GRIN2B: variants seen among roughly 807,000 people sequenced by gnomAD.
GRIN2B encodes the protein glutamate ionotropic receptor NMDA type subunit 2B, also known as glutamate receptor ionotropic, NMDA 2B.
Under a neutral mutation model 114.5 loss-of-function variants are expected in GRIN2B, and 5 were observed. That is an observed-to-expected ratio of 0.04 (90% CI 0.02 to 0.09). GRIN2B has a LOEUF of 0.09. GRIN2B is among the 10% of genes least tolerant of loss of function. The pLI is 1.00. For synonymous variants in GRIN2B, 787 were observed against 745.1 expected, an observed-to-expected ratio of 1.06 and a Z score of -0.92; for missense variants, 1,108 against 1,943.5, an observed-to-expected ratio of 0.57 and a Z score of 8.08.
intron 3 of GRIN2B, among the ~76,000 whole-genome samples, chr12:13,779,548 A>C (rs1357595098): frequency 2.0e-5 from 3 of 152,236 alleles, no homozygotes; most frequent in Non-Finnish European, 1.5e-5. Flanking sequence ...AATACATTTC[A>C]CTTAATATAT....
intron 5 of GRIN2B, among the ~76,000 whole-genome samples, chr12:13,668,923 A>G (rs1949999945): frequency 6.7e-6 from 1 of 148,804 alleles, no homozygotes; most frequent in South Asian, 2.2e-4. Flanking sequence ...AGGAAAAGGA[A>G]AGAGAAAGAA....
intron 10 of GRIN2B, among the ~76,000 whole-genome samples, chr12:13,599,086 C>G (rs1026341408): frequency 6.6e-6 from 1 of 152,302 alleles, no homozygotes; most frequent in African/African-American, 2.4e-5. Context: ...TCGATCAAAG[C>G]CATCACCTGA....
rs182836140 is a variant in GRIN2B at position 13,615,446 on chromosome 12, G to A, written c.1500+47C>T. ...GTTTTAAACTTATATTTAGAAGAAG[G>A]AAAATAAATGAAAATGGAAATGGAA... On this transcript the variant is annotated intron_variant, in intron 7 of 13. Transcript: ENST00000609686. This position sits in a 1 kb window ranked among gnomAD's most constrained non-coding sequence, Gnocchi z 5.8. The A allele has an allele frequency of 4.4e-4, 675 of 1,534,604 alleles. 8 individuals are homozygous for A. In the Admixed American group the frequency reaches 0.011, roughly 25 times the overall value.
intron 3 of GRIN2B, among the ~76,000 whole-genome samples, chr12:13,836,696 C>G (rs553778354): frequency 0.033 from 5,023 of 152,234 alleles, 213 homozygotes; most frequent in African/African-American, 0.094. Flanking sequence ...GGCCTGTTTG[C>G]CTGCTCTGCC....
chr12:13,569,726 T>C (rs1473235058), intron 12 of GRIN2B, 104 bp downstream of exon 12: 2 of 766,162 alleles, frequency 2.6e-6, no homozygotes, highest in Non-Finnish European at 4.3e-6. Context: ...GAAATGCTTT[T>C]CCGGAAATGC....
chr12:13,647,892 A>T (rs1445628093), intron 5 of GRIN2B, among the ~76,000 whole-genome samples: 10 of 152,056 alleles, frequency 6.6e-5, no homozygotes. Flanking sequence ...TCTCCTCAAT[A>T]CTATTGGTTT....
chr12:13,884,960 A>G (rs1426672815), intron 2 of GRIN2B, among the ~76,000 whole-genome samples: 1 of 152,178 alleles, frequency 6.6e-6, no homozygotes, highest in Non-Finnish European at 1.5e-5. Context: ...TGTAGTGGTT[A>G]TTTTGGTTAG....
intron 2 of GRIN2B, among the ~76,000 whole-genome samples, chr12:13,887,310 T>C (rs1444482123): frequency 6.6e-6 from 1 of 152,240 alleles, no homozygotes; most frequent in Non-Finnish European, 1.5e-5. Flanking sequence ...TATAAATACA[T>C]ACATTATAAA....
intron 3 of GRIN2B, among the ~76,000 whole-genome samples, chr12:13,818,221 G>A (rs1237922370): frequency 3.3e-5 from 5 of 152,084 alleles, no homozygotes; most frequent in Admixed American, 2.0e-4. Flanking sequence ...GAACTGAATC[G>A]TCCCACTCCC....
chr12:13,842,330 T>C (rs934783096), intron 3 of GRIN2B, among the ~76,000 whole-genome samples: 1 of 152,224 alleles, frequency 6.6e-6, no homozygotes, highest in African/African-American at 2.4e-5. Flanking sequence ...AGTTTTGATA[T>C]GCATTATTTT....
chr12:13,592,349 C>A (rs1275942869), intron 10 of GRIN2B, among the ~76,000 whole-genome samples: 1 of 152,136 alleles, frequency 6.6e-6, no homozygotes, highest in Non-Finnish European at 1.5e-5. Context: ...TCCAAACAGC[C>A]CCAGCAGCAT....
chr12:13,899,446 G>A (rs1307498841), intron 2 of GRIN2B, among the ~76,000 whole-genome samples: 1 of 106,370 alleles, frequency 9.4e-6, no homozygotes, highest in Non-Finnish European at 2.7e-5. Context: ...GGTACCTTAT[G>A]TAAGCCATGT....
chr12:13,900,475 CA>C (rs967592378), intron 2 of GRIN2B, among the ~76,000 whole-genome samples: 162 of 136,026 alleles, frequency 1.2e-3, no homozygotes, highest in Middle Eastern at 7.3e-3. Flanking sequence ...AACTCCATCT[CA>C]AAAAAAAAAA....
At chr12:13,975,067 A>C (rs1304504584) in intron 2 of GRIN2B, among the ~76,000 whole-genome samples, 1 of 152,198 alleles carries the variant, frequency 6.6e-6, no homozygotes, top group Non-Finnish European at 1.5e-5. Context: ...GGGTGAACTT[A>C]AATATACAGG....
At chr12:13,737,520 T>C (rs1216075663) in intron 4 of GRIN2B, among the ~76,000 whole-genome samples, 1 of 152,184 alleles carries the variant, frequency 6.6e-6, no homozygotes, top group African/African-American at 2.4e-5. Context: ...TGAAAGTTCA[T>C]ATAATATCTT....
chr12:13,684,735 G>A (rs748586446), intron 4 of GRIN2B, among the ~76,000 whole-genome samples: 55 of 152,260 alleles, frequency 3.6e-4, no homozygotes, highest in Non-Finnish European at 6.5e-4. Context: ...GAGATTAGGT[G>A]TTCAGTATGT....
At chr12:13,796,095 AAAG>A (rs1251970013) in intron 3 of GRIN2B, among the ~76,000 whole-genome samples, 1 of 151,488 alleles carries the variant, frequency 6.6e-6, no homozygotes, top group East Asian at 1.9e-4. Flanking sequence ...AAAAAAAAAA[AAAG>A]AAACAGCTTT....
At chr12:13,665,435 T>C (rs1949965074) in intron 5 of GRIN2B, among the ~76,000 whole-genome samples, 1 of 152,106 alleles carries the variant, frequency 6.6e-6, no homozygotes, top group Admixed American at 6.6e-5. Flanking sequence ...CACATTTCTA[T>C]AGTGTGACTT....
intron 2 of GRIN2B, among the ~76,000 whole-genome samples, chr12:13,873,029 A>T (rs1195218070): frequency 6.6e-6 from 1 of 152,224 alleles, no homozygotes; most frequent in Admixed American, 6.5e-5. Flanking sequence ...AAAAGTACCC[A>T]AAGAACTATT....
Sources: allele counts gnomAD v4.1 joint callset (sites outside exome capture counted in the v4.1 genomes callset), GRCh38; gene constraint gnomAD v4.1.1; non-coding constraint Gnocchi (gnomAD v3.1); transcripts MANE v1.5; gene names NCBI Gene and HGNC (gene_info 2026-07-23, HGNC 2026-07-21).